The following IL1RAPL2 variants were observed in gnomAD, a reference collection of about 807,000 sequenced individuals.
The protein encoded by IL1RAPL2 is X-linked interleukin-1 receptor accessory protein-like 2.
A neutral mutation model predicts 44.1 loss-of-function variants in IL1RAPL2; 3 were observed. The observed-to-expected ratio is 0.07, with a 90% CI of 0.03 to 0.18. IL1RAPL2 has a LOEUF of 0.18. Among genes scored for constraint, IL1RAPL2 ranks in the 10% least tolerant of loss-of-function variants. The pLI is 1.00. For missense variants in IL1RAPL2, 391 were observed against 496.4 expected (o/e 0.79, Z 2.02); for synonymous variants, 181 against 178.8 (o/e 1.01, Z -0.10).
chrX:105,352,028 A>G (rs1187916050), intron 5 of IL1RAPL2, among the ~76,000 whole-genome samples: 1 of 111,241 alleles, frequency 9.0e-6, no homozygotes, highest in South Asian at 3.8e-4. Context: ...GCTCACTGCA[A>G]CCTTCTTCCT....
At chrX:104,639,882 A>C (rs190864643) in intron 1 of IL1RAPL2, among the ~76,000 whole-genome samples, 79 of 111,626 alleles carry the variant, frequency 7.1e-4, no homozygotes, top group African/African-American at 2.2e-3. Context: ...CTTATAAATG[A>C]CTAGATGCTT....
At chrX:105,319,105 C>T (rs2034876959) in intron 5 of IL1RAPL2, among the ~76,000 whole-genome samples, 1 of 112,243 alleles carries the variant, frequency 8.9e-6, no homozygotes, top group Non-Finnish European at 1.9e-5. Context: ...TGTGCGGCTG[C>T]ACTATCTTTC....
At chrX:105,209,544 C>T (rs1309142063) in intron 3 of IL1RAPL2, among the ~76,000 whole-genome samples, 1 of 111,746 alleles carries the variant, frequency 8.9e-6, no homozygotes, top group East Asian at 2.8e-4. Flanking sequence ...CTGGGCCTTT[C>T]TCCCAGCAGC....
chrX:105,761,982 G>GT (rs1329247005), intron 10 of IL1RAPL2, among the ~76,000 whole-genome samples: 1 of 111,842 alleles, frequency 8.9e-6, no homozygotes, highest in Non-Finnish European at 1.9e-5. Context: ...TGAATATAGA[G>GT]TTTTTTCTCC....
intron 2 of IL1RAPL2, among the ~76,000 whole-genome samples, chrX:104,835,369 A>T: frequency 9.0e-6 from 1 of 110,669 alleles, no homozygotes; most frequent in Middle Eastern, 4.6e-3. Flanking sequence ...GATTTTAAAA[A>T]CTGATACTAT....
At chrX:104,693,954 C>A (rs999922618) in intron 2 of IL1RAPL2, among the ~76,000 whole-genome samples, 1 of 111,651 alleles carries the variant, frequency 9.0e-6, no homozygotes, top group Non-Finnish European at 1.9e-5. Context: ...AACTGTCTAG[C>A]CAATCTTGCC....
Position 105,447,838 on chromosome X carries a change from T to A in IL1RAPL2, c.698-36475T>A, listed in dbSNP as rs781517862. ...TATATAAATATATATAAATATATTA[T>A]ACATATAAATATATAAATATATATA... On this transcript the variant is annotated intron_variant, in intron 5 of 10. Transcript: ENST00000372582. Among the ~76,000 whole-genome samples the A allele has an allele frequency of 1.0e-4, 9 of 90,360 alleles. No individual in the cohort carries two copies. In the Admixed American group the frequency reaches 1.0e-3, roughly 10 times the overall value. 78.5% of individuals were successfully genotyped at this position (90,360 alleles called of 115,157 possible).
chrX:104,949,658 G>T (rs1925510681), intron 2 of IL1RAPL2, among the ~76,000 whole-genome samples: 1 of 109,246 alleles, frequency 9.2e-6, no homozygotes, highest in African/African-American at 3.4e-5. Context: ...CTTTATTTCT[G>T]CCTTCATTTC....
chrX:105,550,061 G>T (rs2036839267), intron 6 of IL1RAPL2, among the ~76,000 whole-genome samples: 1 of 112,124 alleles, frequency 8.9e-6, no homozygotes, highest in African/African-American at 3.2e-5. Context: ...GTGTGGGAAT[G>T]GCACTGCTTT....
At chrX:104,636,140 G>A (rs1040513689) in intron 1 of IL1RAPL2, among the ~76,000 whole-genome samples, 7 of 111,890 alleles carry the variant, frequency 6.3e-5, no homozygotes, top group Non-Finnish European at 7.5e-5. Context: ...TATCAGCAGC[G>A]GAGGCTGCAG....
At chrX:104,580,453 G>T (rs1177105503) in intron 1 of IL1RAPL2, among the ~76,000 whole-genome samples, 1 of 112,664 alleles carries the variant, frequency 8.9e-6, no homozygotes, top group African/African-American at 3.2e-5. Flanking sequence ...GTGTTTGGTA[G>T]GGGAACCATA....
intron 6 of IL1RAPL2, among the ~76,000 whole-genome samples, chrX:105,486,301 A>G (rs1268201234): frequency 8.9e-6 from 1 of 112,372 alleles, no homozygotes; most frequent in African/African-American, 3.2e-5. Flanking sequence ...CACTTTTCCA[A>G]AATGAAATAT....
intron 6 of IL1RAPL2, 57 bp downstream of exon 6, chrX:105,484,444 G>C (rs961545423): frequency 1.3e-6 from 1 of 798,028 alleles, no homozygotes; most frequent in South Asian, 2.1e-5. Context: ...AACAGATGGG[G>C]AAAATTGCAT....
intron 2 of IL1RAPL2, among the ~76,000 whole-genome samples, chrX:104,881,027 C>A (rs1923055277): frequency 9.0e-6 from 1 of 111,422 alleles, no homozygotes; most frequent in Admixed American, 9.6e-5. Context: ...CTTTTAAAAG[C>A]AGTTTAATAT....
chrX:105,516,128 C>G (rs1051911445), intron 6 of IL1RAPL2, among the ~76,000 whole-genome samples: 1 of 111,850 alleles, frequency 8.9e-6, no homozygotes, highest in Non-Finnish European at 1.9e-5. Context: ...TCAAACATTT[C>G]CTTTTGAATG....
intron 1 of IL1RAPL2, among the ~76,000 whole-genome samples, chrX:104,613,822 T>G (rs1476936038): frequency 9.4e-6 from 1 of 106,917 alleles, no homozygotes; most frequent in Non-Finnish European, 1.9e-5. Context: ...TTTTTTTTTT[T>G]TTTTTGGTTG....
chrX:105,491,215 A>T (rs1158661412), intron 6 of IL1RAPL2, among the ~76,000 whole-genome samples: 1 of 109,765 alleles, frequency 9.1e-6, no homozygotes, highest in Admixed American at 9.8e-5. Context: ...TTTTATTTTT[A>T]TTTTTTTTTA....
At chrX:105,529,195 T>C in intron 6 of IL1RAPL2, among the ~76,000 whole-genome samples, 1 of 111,656 alleles carries the variant, frequency 9.0e-6, no homozygotes, top group Non-Finnish European at 1.9e-5. Flanking sequence ...TCCTGTGTCT[T>C]TTTCAGTGAG....
chrX:104,739,868 C>T (rs1425222814), intron 2 of IL1RAPL2, among the ~76,000 whole-genome samples: 8 of 111,195 alleles, frequency 7.2e-5, no homozygotes, highest in Non-Finnish European at 1.1e-4. Flanking sequence ...GATTGAGGTC[C>T]ACCTGTTGTT....
Sources: gnomAD v4.1 joint callset for allele counts (sites outside exome capture counted in the v4.1 genomes callset) on GRCh38, gnomAD v4.1.1 for gene constraint, MANE v1.5 for transcripts, NCBI Gene and HGNC (gene_info 2026-07-23, HGNC 2026-07-21) for gene names.